The following ZNF208 variants were observed in gnomAD, a reference collection of about 807,000 sequenced individuals.
ZNF208 encodes the protein zinc finger protein 95.
In ZNF208, 10 loss-of-function variants were observed where a neutral mutation model predicts 12.1. That is an observed-to-expected ratio of 0.83 (90% confidence interval 0.51 to 1.40). The LOEUF is 1.40. Ranked by LOEUF, ZNF208 falls within the 40% of genes most tolerant of loss-of-function variation. The pLI, the probability that ZNF208 is intolerant of heterozygous loss-of-function variation, is 0.00. For synonymous variants in ZNF208, 497 were observed against 488.4 expected, an observed-to-expected ratio of 1.02 and a Z score of -0.23; for missense variants, 1,652 against 1,485.0, an observed-to-expected ratio of 1.11 and a Z score of -1.85.
chr19:21,966,431 C>T lies in ZNF208; in HGVS notation c.*4760G>A, dbSNP rs953610896. 9 of 152,042 alleles carry T rather than the reference C, an allele frequency of 5.9e-5. No individual in the cohort carries two copies. The highest frequency in any genetic ancestry group is 1.9e-4 in the African/African-American group (8 of 41,424). 9.4% of individuals were successfully genotyped at this position (152,042 alleles called of 1,614,324 possible). A position where few individuals can be genotyped will look rare whatever the true frequency, so the allele number is the denominator to read the frequency against. ...GCTGCATTCATGTTGCTGCAAAAGACGTTACTTCATTCTCTTCTGTTGCTG... is the reference window on the plus strand; with the variant it reads ...GCTGCATTCATGTTGCTGCAAAAGATGTTACTTCATTCTCTTCTGTTGCTG... On this transcript the variant is annotated 3_prime_UTR_variant, in exon 4 of 4. Transcript: ENST00000397126.
chr19:21,999,629 TAC>T (rs1970905719), intron 1 of ZNF208, among the ~76,000 whole-genome samples: 1 of 152,090 alleles, frequency 6.6e-6, no homozygotes, highest in Non-Finnish European at 1.5e-5. Flanking sequence ...AAATGAACTT[TAC>T]TCTGAACAAA....
intron 1 of ZNF208, among the ~76,000 whole-genome samples, chr19:21,990,766 T>C (rs1210326769): frequency 2.6e-5 from 4 of 152,182 alleles, no homozygotes; most frequent in Non-Finnish European, 5.9e-5. Flanking sequence ...TTTGTTTGTA[T>C]CCTCTTTTAT....
chr19:21,955,632 C>G (rs958716770), intron 4 of ZNF208, among the ~76,000 whole-genome samples: 4 of 152,160 alleles, frequency 2.6e-5, no homozygotes, highest in Non-Finnish European at 4.4e-5. Flanking sequence ...GCTACTGAAA[C>G]TTATGCATGT....
At chr19:21,979,456 G>A in intron 3 of ZNF208, among the ~76,000 whole-genome samples, 1 of 152,188 alleles carries the variant, frequency 6.6e-6, no homozygotes, top group East Asian at 1.9e-4. Context: ...TTTCAACCAA[G>A]AATTTCACAT....
rs1445590554 is a variant in ZNF208, at chr19:22,005,159, A to G, written c.3+5633T>C. 1.1e-4 allele frequency among the ~76,000 whole-genome samples: 16 copies of G among 152,328 alleles called. No individual in the cohort carries two copies. In the East Asian group the frequency reaches 3.1e-3, roughly 29 times the overall value. Reference sequence around the variant, plus strand: ...GACACTTTTGTGGTTTTTGGCCAAAAAAACCACTAGGATCAAAAATGCTGT... The same window carrying G: ...GACACTTTTGTGGTTTTTGGCCAAAGAAACCACTAGGATCAAAAATGCTGT... On this transcript the variant is annotated intron_variant, in intron 1 of 3. Transcript: ENST00000397126.
chr19:21,952,676 A>G (rs1367589652), intron 4 of ZNF208, among the ~76,000 whole-genome samples: 2 of 152,222 alleles, frequency 1.3e-5, no homozygotes, highest in African/African-American at 2.4e-5. Context: ...CACCAACATT[A>G]AAGACCAAAG....
intron 4 of ZNF208, among the ~76,000 whole-genome samples, chr19:21,951,736 A>T (rs1046028410): frequency 2.0e-5 from 3 of 152,210 alleles, no homozygotes; most frequent in African/African-American, 7.2e-5. Flanking sequence ...TGATTGAAGA[A>T]GATGATGGGT....
At chr19:21,958,198 G>T (rs1441047974) in intron 4 of ZNF208, among the ~76,000 whole-genome samples, 2 of 151,418 alleles carry the variant, frequency 1.3e-5, no homozygotes, top group Non-Finnish European at 2.9e-5. Context: ...CTAAAAGAAA[G>T]TAATTGTTTC....
In ZNF208 at chr19:21,971,947, G is replaced by A. The variant is rs549907859; in HGVS notation, c.3087C>T (p.Tyr1029=). 1.5e-5 allele frequency: 23 copies of A among 1,576,536 alleles called. No homozygotes were observed. The highest frequency in any genetic ancestry group is 2.0e-5 in the Non-Finnish European group (23 of 1,156,702). The part of the protein sequence containing the change: ...HKKIHTGETP[Y]KCEECDKAFS... ...AGGCTTTGTCACATTCTTCACATTT[G>A]TAGGGTGTCTCTCCAGTGTGAATTT... The change falls in exon 4 of 4, where the codon TAC becomes TAT. Residue 1029 remains tyrosine (Y), a synonymous_variant. Coordinates refer to ENST00000397126, the MANE Select transcript of ZNF208 (RefSeq NM_007153.3).
intron 1 of ZNF208, among the ~76,000 whole-genome samples, chr19:22,002,343 C>T (rs1052241735): frequency 2.6e-5 from 4 of 152,056 alleles, no homozygotes; most frequent in Non-Finnish European, 5.9e-5. Flanking sequence ...TAGTCTTAGC[C>T]AGAGCAATCA....
Position 21,989,186 on chromosome 19 carries a change from A to T in ZNF208, c.4-277T>A, listed in dbSNP as rs185077744. On this transcript the variant is annotated intron_variant, in intron 1 of 3. Coordinates refer to ENST00000397126, the MANE Select transcript of ZNF208 (RefSeq NM_007153.3). ...TGTGCCATCCTGGTGTACTGCACCC[A>T]TTAACTCGTCATTTAGCATTAGGTA... 2.3e-3 allele frequency among the ~76,000 whole-genome samples: 343 copies of T among 150,412 alleles called. 8 individuals are homozygous for T. Among genetic ancestry groups the T allele is most frequent in the Non-Finnish European group, 5.3e-4 (36 of 67,606 alleles).
chr19:21,997,856 A>C (rs1312053531), intron 1 of ZNF208: 3 of 152,308 alleles, frequency 2.0e-5, no homozygotes, highest in Middle Eastern at 3.4e-3. Context: ...TCTTTCACAG[A>C]CACCACGGGA....
At position 22,010,908 on chromosome 19, in the gene ZNF208, G is replaced by C. The variant is rs1036901648; in HGVS notation, c.-114C>G. The stretch of plus-strand genomic sequence containing the variant: ...GCAGAGGACACACAGCAGTAAGGAC[G>C]AGACCTTGACCTCCGGCTGCAGCGA... On this transcript the variant is annotated 5_prime_UTR_variant, in exon 1 of 4. Coordinates refer to ENST00000397126, the MANE Select transcript of ZNF208 (RefSeq NM_007153.3). 6.7e-7 allele frequency: 1 copy of C among 1,498,362 alleles called. No homozygotes were observed. The highest frequency in any genetic ancestry group is 1.7e-5 in the Admixed American group (1 of 58,950). The allele number at this position is 1,498,362 out of a possible 1,614,324, so 92.8% of individuals were successfully genotyped here. A position where few individuals can be genotyped will look rare whatever the true frequency, so the allele number is the denominator to read the frequency against.
rs1361896953 is a variant in ZNF208 at position 21,971,721 on chromosome 19, T to C, written c.3313A>G (p.Arg1105Gly). The C allele has an allele frequency of 2.5e-6, 4 of 1,613,376 alleles. No homozygotes were observed. The highest frequency in any genetic ancestry group is 2.2e-5 in the East Asian group (1 of 44,806). ...NWSSNLMEHK[R>G]IHTGEKPYKC... ...TAGGGTTTCTCTCCAGTATGAATTC[T>C]CTTATGTTCCATAAGGTTTGAGGAC... The change falls in exon 4 of 4, where the codon AGA becomes GGA. Residue 1105 changes from arginine to glycine, a missense_variant. Coordinates refer to ENST00000397126, the MANE Select transcript of ZNF208 (RefSeq NM_007153.3).
At chr19:21,996,877 G>A (rs1970845117) in intron 1 of ZNF208, among the ~76,000 whole-genome samples, 1 of 152,208 alleles carries the variant, frequency 6.6e-6, no homozygotes, top group Admixed American at 6.6e-5. Flanking sequence ...AAAAGTGACT[G>A]CAGAGGATGA....
At position 21,971,762 on chromosome 19, in the gene ZNF208, C is replaced by T; in HGVS notation, c.3272G>A (p.Gly1091Asp). 1.2e-6 allele frequency: 2 copies of T among 1,613,900 alleles called. No homozygotes were observed. The highest frequency in any genetic ancestry group is 2.2e-5 in the South Asian group (2 of 91,052). ...GEEPYKCEEC[G>D]KAFNWSSNLM... ...GTTTGAGGACCAGTTGAAAGCTTTG[C>T]CACATTCTTCACATTTGTAGGGTTC... The change falls in exon 4 of 4, where the codon GGC (glycine) becomes GAC (aspartate). Residue 1091 changes from glycine (G) to aspartate (D), a missense_variant. By Grantham distance (94) the Gly-to-Asp change is moderately conservative (BLOSUM62 -1). Around this residue, in one of 3 missense-constraint regions of ZNF208, gnomAD observed 1,239 missense variants for 1,086.2 expected, o/e 1.14. Coordinates refer to ENST00000397126, the MANE Select transcript of ZNF208 (RefSeq NM_007153.3).
chr19:21,962,457 G>A (rs1970089084), downstream of ZNF208, among the ~76,000 whole-genome samples: 1 of 151,934 alleles, frequency 6.6e-6, no homozygotes, highest in Non-Finnish European at 1.5e-5. Context: ...AAAAAATTAA[G>A]TCTTTTTAAA....
At chr19:22,005,260 G>A (rs1420174579) in intron 1 of ZNF208, among the ~76,000 whole-genome samples, 1 of 152,158 alleles carries the variant, frequency 6.6e-6, no homozygotes, top group African/African-American at 2.4e-5. Flanking sequence ...GTTTGTGAGT[G>A]GGTAGAAATC....
At chr19:21,947,713 G>T (rs377139055) in intron 4 of ZNF208, among the ~76,000 whole-genome samples, 82 of 152,264 alleles carry the variant, frequency 5.4e-4, no homozygotes, top group African/African-American at 1.8e-3. Context: ...TGAACAAAAA[G>T]GAATTTTATG....
Sources: allele counts gnomAD v4.1 joint callset (sites outside exome capture counted in the v4.1 genomes callset), GRCh38; gene constraint gnomAD v4.1.1; regional missense constraint gnomAD v4.1.1; transcripts MANE v1.5; gene names NCBI Gene and HGNC (gene_info 2026-07-23, HGNC 2026-07-21).